TENM2: variants seen among roughly 807,000 people sequenced by gnomAD.
TENM2 encodes teneurin transmembrane protein 2, also known as teneurin-2.
Under a neutral mutation model 245.2 loss-of-function variants are expected in TENM2, and 52 were observed. The ratio of observed to expected loss-of-function variants is 0.21; its 90% CI spans 0.17 to 0.27. The LOEUF (loss-of-function observed/expected upper bound fraction) is 0.27, where lower values mean the gene tolerates loss of function less well. Among genes scored for constraint, TENM2 ranks in the 10% least tolerant of loss-of-function variants. TENM2 has a pLI of 1.00. For missense variants in TENM2, 3,046 were observed against 3,666.8 expected (o/e 0.83, Z 4.37); for synonymous variants, 1,363 against 1,438.9 (o/e 0.95, Z 1.19).
chr5:168,253,244 G>C lies in TENM2; in HGVS notation c.7432+4873G>C, dbSNP rs181663610. ...GGCCTCCCAAAGTGCTGGGATTACA[G>C]GCGTGAGCCACCGCGCCTGGCAGAG... is the stretch of plus-strand genomic sequence containing the variant. On this transcript the variant is annotated intron_variant, in intron 27 of 28. Coordinates refer to ENST00000518659, the Ensembl canonical transcript of TENM2. 3.9e-3 allele frequency among the ~76,000 whole-genome samples: 590 copies of C among 151,952 alleles called. 2 individuals carry two copies. Among genetic ancestry groups the C allele is most frequent in the African/African-American group, 0.014 (562 of 41,460 alleles).
rs111866150 is a variant in TENM2, at chr5:168,101,133, CAG to C, written c.1813+3010_1813+3011del. On this transcript the variant is annotated intron_variant, in intron 9 of 28. Transcript: ENST00000518659. ...AGGGTCACTGATGGAGCAAGGAGAA[CAG>C]AGAACAGCTTTTCCTAGCGGAGGCT... Among the ~76,000 whole-genome samples, 764 of 152,190 alleles carry C rather than the reference CAG, an allele frequency of 5.0e-3. 2 individuals carry two copies. The highest frequency in any genetic ancestry group is 0.018 in the African/African-American group (731 of 41,506).
intron 2 of TENM2, among the ~76,000 whole-genome samples, chr5:167,835,773 A>C (rs958481445): frequency 3.9e-5 from 6 of 152,244 alleles, no homozygotes; most frequent in Non-Finnish European, 7.3e-5. Flanking sequence ...AGAAGCAGCA[A>C]GACAATGTTT....
At chr5:167,449,004 T>C (rs2127471563) in intron 2 of TENM2, among the ~76,000 whole-genome samples, 1 of 152,232 alleles carries the variant, frequency 6.6e-6, no homozygotes, top group African/African-American at 2.4e-5. Flanking sequence ...AGTTGTGCCT[T>C]CTTATCTCTG....
intron 2 of TENM2, among the ~76,000 whole-genome samples, chr5:167,661,555 G>C (rs1755208867): frequency 6.6e-6 from 1 of 152,144 alleles, no homozygotes; most frequent in Non-Finnish European, 1.5e-5. Flanking sequence ...AGTTAATTTG[G>C]TCAAGTGGTT....
intron 2 of TENM2, among the ~76,000 whole-genome samples, chr5:167,831,847 G>C (rs557056251): frequency 7.9e-4 from 120 of 152,138 alleles, no homozygotes; most frequent in African/African-American, 2.8e-3. Flanking sequence ...CTTCTTCCTG[G>C]ACTGCAGTGA....
At chr5:167,298,972 G>C (rs1337220080) in intron 1 of TENM2, among the ~76,000 whole-genome samples, 1 of 152,212 alleles carries the variant, frequency 6.6e-6, no homozygotes, top group Non-Finnish European at 1.5e-5. Flanking sequence ...TCTGGACTGA[G>C]ACTGGGGCTT....
the TENM2 span, among the ~76,000 whole-genome samples, chr5:167,016,495 A>G: frequency 6.6e-6 from 1 of 152,306 alleles, no homozygotes; most frequent in Admixed American, 6.5e-5. Context: ...GCATGAATTG[A>G]CTTTACATTA....
At chr5:167,456,584 A>T (rs4869045) in intron 2 of TENM2, among the ~76,000 whole-genome samples, 21,165 of 152,194 alleles carry the variant, frequency 0.14, 1,616 homozygotes, top group East Asian at 0.26. Context: ...GACTAGCTAG[A>T]GGTAACTGTG....
At chr5:167,658,748 G>A (rs1274685421) in intron 2 of TENM2, among the ~76,000 whole-genome samples, 1 of 152,126 alleles carries the variant, frequency 6.6e-6, no homozygotes, top group Non-Finnish European at 1.5e-5. Context: ...TAATTTCTCA[G>A]GGTAGAAGGA....
chr5:167,633,141 TTAGAAGA>T (rs1778981974), intron 2 of TENM2, among the ~76,000 whole-genome samples: 1 of 152,134 alleles, frequency 6.6e-6, no homozygotes, highest in Non-Finnish European at 1.5e-5. Flanking sequence ...GTGGCTTAAG[TTAGAAGA>T]TAGAGTTAAA....
intron 2 of TENM2, among the ~76,000 whole-genome samples, chr5:167,818,583 G>A (rs1175998096): frequency 6.6e-6 from 1 of 152,060 alleles, no homozygotes; most frequent in African/African-American, 2.4e-5. Flanking sequence ...CCAAGGCCAC[G>A]GGGTCAGCAT....
chr5:168,255,769 T>C (rs899799681), intron 27 of TENM2, among the ~76,000 whole-genome samples: 2 of 152,152 alleles, frequency 1.3e-5, no homozygotes, highest in African/African-American at 4.8e-5. Flanking sequence ...TACTTTCCCA[T>C]TCATGGTAGT....
chr5:167,122,162 C>A, the TENM2 span, among the ~76,000 whole-genome samples: 1 of 152,100 alleles, frequency 6.6e-6, no homozygotes, highest in Non-Finnish European at 1.5e-5. Flanking sequence ...GAAATCTAAA[C>A]CCTGGTAAAG....
intron 2 of TENM2, among the ~76,000 whole-genome samples, chr5:167,870,730 GA>G (rs1210125900): frequency 2.0e-5 from 3 of 148,576 alleles, no homozygotes; most frequent in South Asian, 2.1e-4. Context: ...ATATATGTGT[GA>G]TAATGAGGTC....
intron 2 of TENM2, among the ~76,000 whole-genome samples, chr5:167,461,364 G>T (rs565779023): frequency 6.6e-6 from 1 of 151,768 alleles, no homozygotes; most frequent in South Asian, 2.1e-4. Context: ...ATTCCTTGTG[G>T]TCCATGTACT....
At chr5:167,312,928 A>T (rs1756128863) in intron 1 of TENM2, among the ~76,000 whole-genome samples, 3 of 137,350 alleles carry the variant, frequency 2.2e-5, no homozygotes, top group African/African-American at 5.5e-5. Flanking sequence ...TTTTAAATGG[A>T]GCCTCCTTCT....
chr5:167,540,232 A>G (rs1772114520), intron 2 of TENM2, among the ~76,000 whole-genome samples: 1 of 152,196 alleles, frequency 6.6e-6, no homozygotes, highest in South Asian at 2.1e-4. Flanking sequence ...ACTCTGTTTT[A>G]GGCACTGTGG....
intron 13 of TENM2, among the ~76,000 whole-genome samples, chr5:168,164,112 T>A (rs576644736): frequency 6.6e-6 from 1 of 152,356 alleles, no homozygotes; most frequent in South Asian, 2.1e-4. Flanking sequence ...AGCCTTTGTG[T>A]AAGTGCGCTG....
intron 5 of TENM2, among the ~76,000 whole-genome samples, chr5:168,007,150 G>A (rs1236857176): frequency 8.1e-5 from 12 of 148,290 alleles, no homozygotes; most frequent in African/African-American, 2.0e-4. Flanking sequence ...TTTTTGAGAC[G>A]TAGTCTCACT....
Sources: gnomAD v4.1 joint callset for allele counts (sites outside exome capture counted in the v4.1 genomes callset) on GRCh38, gnomAD v4.1.1 for gene constraint, MANE v1.5 for transcripts, NCBI Gene and HGNC (gene_info 2026-07-23, HGNC 2026-07-21) for gene names.